RBFOX1: variants seen among roughly 807,000 people sequenced by gnomAD.
RBFOX1 encodes RNA binding protein fox-1 homolog 1.
Under a neutral mutation model 57.7 loss-of-function variants are expected in RBFOX1, and 8 were observed. That is an observed-to-expected ratio of 0.14 (90% CI 0.08 to 0.25). The LOEUF is 0.25. Ranked by LOEUF, RBFOX1 falls within the 10% of genes least tolerant of loss-of-function variation. RBFOX1 has a pLI of 1.00. For synonymous variants in RBFOX1, 326 were observed against 222.4 expected, an observed-to-expected ratio of 1.47 and a Z score of -4.15; for missense variants, 611 against 548.5, an observed-to-expected ratio of 1.11 and a Z score of -1.14.
At chr16:6,967,172 T>C (rs2084444571) in intron 3 of RBFOX1, among the ~76,000 whole-genome samples, 1 of 152,058 alleles carries the variant, frequency 6.6e-6, no homozygotes, top group Non-Finnish European at 1.5e-5. Context: ...TGTTTGTACA[T>C]TCACACATCC....
chr16:6,348,357 A>G (rs560836364), intron 2 of RBFOX1, among the ~76,000 whole-genome samples: 7 of 152,268 alleles, frequency 4.6e-5, no homozygotes, highest in African/African-American at 4.8e-5. Flanking sequence ...ATTGAATGAG[A>G]TACTTCAGTA....
intron 3 of RBFOX1, among the ~76,000 whole-genome samples, chr16:6,875,194 A>G (rs2153276964): frequency 6.6e-6 from 1 of 152,362 alleles, no homozygotes; most frequent in South Asian, 2.1e-4. Flanking sequence ...TTGTATTATT[A>G]TAGTGCTACG....
At chr16:6,927,695 T>A (rs909582120) in intron 3 of RBFOX1, among the ~76,000 whole-genome samples, 1 of 150,016 alleles carries the variant, frequency 6.7e-6, no homozygotes, top group Non-Finnish European at 1.5e-5. Context: ...GGGGAGCAGA[T>A]TTTAGGGCAC....
chr16:6,337,848 A>T (rs2083986967), intron 2 of RBFOX1, among the ~76,000 whole-genome samples: 1 of 152,214 alleles, frequency 6.6e-6, no homozygotes. Context: ...GATATCCTGT[A>T]TGTCTGCCTT....
intron 1 of RBFOX1, among the ~76,000 whole-genome samples, chr16:5,383,264 G>C (rs1467136154): frequency 6.6e-6 from 1 of 152,174 alleles, no homozygotes; most frequent in Admixed American, 6.5e-5. Context: ...GAATGTATAA[G>C]TGGCGCCCAC....
At chr16:6,215,174 GA>G (rs1398952744) in intron 1 of RBFOX1, among the ~76,000 whole-genome samples, 2 of 142,064 alleles carry the variant, frequency 1.4e-5, no homozygotes, top group East Asian at 2.2e-4. Context: ...GAGAGAGGGA[GA>G]GGGGGAGAGA....
At chr16:7,564,056 T>C (rs1325739004) in intron 5 of RBFOX1, among the ~76,000 whole-genome samples, 2 of 152,254 alleles carry the variant, frequency 1.3e-5, no homozygotes, top group South Asian at 4.1e-4. Context: ...AGCTGTGGAC[T>C]GAATTGTGTC....
chr16:6,548,377 G>T (rs970882677), intron 2 of RBFOX1, among the ~76,000 whole-genome samples: 18 of 152,154 alleles, frequency 1.2e-4, no homozygotes, highest in Non-Finnish European at 2.6e-4. Flanking sequence ...ATATCAAATT[G>T]TTGGGGGGTA....
At chr16:5,394,958 C>G (rs1216044807) in intron 1 of RBFOX1, among the ~76,000 whole-genome samples, 1 of 152,188 alleles carries the variant, frequency 6.6e-6, no homozygotes. Context: ...TCTCCTGAAG[C>G]TTAATCTGAT....
intron 4 of RBFOX1, among the ~76,000 whole-genome samples, chr16:5,878,597 CTTTGGAGAAA>C (rs1382618594): frequency 1.3e-5 from 2 of 152,168 alleles, no homozygotes; most frequent in African/African-American, 4.8e-5. Context: ...TGCTGATACA[CTTTGGAGAAA>C]CTTCGTGACT....
chr16:5,726,983 G>T (rs529066884), intron 3 of RBFOX1, among the ~76,000 whole-genome samples: 17 of 152,342 alleles, frequency 1.1e-4, no homozygotes, highest in Admixed American at 2.0e-4. Context: ...TGAAGGCCGG[G>T]CATGGTGGCT....
At chr16:6,514,346 G>C (rs974406639) in intron 2 of RBFOX1, among the ~76,000 whole-genome samples, 5 of 152,226 alleles carry the variant, frequency 3.3e-5, no homozygotes, top group Admixed American at 2.0e-4. Flanking sequence ...GGAGGCTTAA[G>C]AGCTTCTGTG....
intron 1 of RBFOX1, among the ~76,000 whole-genome samples, chr16:6,245,373 A>T (rs1303115444): frequency 1.3e-5 from 2 of 151,788 alleles, no homozygotes; most frequent in African/African-American, 4.8e-5. Flanking sequence ...GTTATTTAAG[A>T]CTCCCTCTAA....
intron 3 of RBFOX1, among the ~76,000 whole-genome samples, chr16:6,992,763 CT>C (rs1340979543): frequency 6.8e-6 from 1 of 146,120 alleles, no homozygotes; most frequent in Non-Finnish European, 1.5e-5. Flanking sequence ...CCCAAGGTCA[CT>C]TGTGTCTAGA....
chr16:5,526,984 G>A (rs2151024647), intron 2 of RBFOX1, among the ~76,000 whole-genome samples: 1 of 152,312 alleles, frequency 6.6e-6, no homozygotes, highest in Non-Finnish European at 1.5e-5. Flanking sequence ...GGGATTTCTG[G>A]GAGGCTTAAA....
rs560677180 is a variant in RBFOX1 at position 5,666,184 on chromosome 16, C to A, written c.318+67223C>A. Among the ~76,000 whole-genome samples, 4 of 152,326 alleles carry A rather than the reference C, an allele frequency of 2.6e-5. No homozygotes were observed. The South Asian group carries it at 8.3e-4, about 32-fold the overall frequency. ...ACATCCATCATGGATACGGAGGCAGCTGGGAAGGAAAGGGAGGGCAGTTCT... is the reference window on the plus strand; with the variant it reads ...ACATCCATCATGGATACGGAGGCAGATGGGAAGGAAAGGGAGGGCAGTTCT... On this transcript the variant is annotated intron_variant, in intron 3 of 19. Coordinates refer to the RBFOX1 transcript ENST00000641259.
intron 3 of RBFOX1, among the ~76,000 whole-genome samples, chr16:5,644,159 T>G (rs995538697): frequency 3.9e-5 from 6 of 152,206 alleles, no homozygotes; most frequent in African/African-American, 1.4e-4. Flanking sequence ...ATCGCGTCTT[T>G]CCATAAGGTA....
At chr16:6,285,124 T>G (rs1301614437) in intron 1 of RBFOX1, among the ~76,000 whole-genome samples, 1 of 151,930 alleles carries the variant, frequency 6.6e-6, no homozygotes, top group Non-Finnish European at 1.5e-5. Context: ...AAAATGAAAA[T>G]TAAAAATAAT....
upstream of RBFOX1, among the ~76,000 whole-genome samples, chr16:6,014,535 C>G (rs1448622741): frequency 2.6e-5 from 4 of 152,146 alleles, no homozygotes; most frequent in Admixed American, 2.6e-4. Context: ...CAATCAATAA[C>G]TATATATTGA....
Sources: gnomAD v4.1 joint callset for allele counts (sites outside exome capture counted in the v4.1 genomes callset) on GRCh38, gnomAD v4.1.1 for gene constraint, MANE v1.5 for transcripts, NCBI Gene and HGNC (gene_info 2026-07-23, HGNC 2026-07-21) for gene names.